RSPRY1: variants seen among roughly 807,000 people sequenced by gnomAD.
The protein encoded by RSPRY1 is ring finger and SPRY domain containing 1.
Under a neutral mutation model 73.1 loss-of-function variants are expected in RSPRY1, and 23 were observed. The observed-to-expected ratio is 0.31, with a 90% confidence interval of 0.23 to 0.45. The LOEUF is 0.45. Ranked by LOEUF, RSPRY1 falls within the 20% of genes least tolerant of loss-of-function variation. The pLI is 1.00. For missense variants in RSPRY1, 448 were observed against 698.7 expected (o/e 0.64, Z 4.05); for synonymous variants, 226 against 251.4 (o/e 0.90, Z 0.95).
rs780657607 is a variant in RSPRY1 at position 57,220,882 on chromosome 16, G to A, written c.1017+35G>A. 34 of 1,394,986 alleles carry A rather than the reference G, an allele frequency of 2.4e-5. 1 individual carries two copies. In the South Asian group the frequency reaches 3.6e-4, roughly 15 times the overall value. The allele number at this position is 1,394,986 out of a possible 1,614,324, so 86.4% of individuals were successfully genotyped here. Reference sequence around the variant, plus strand: ...GCTTCTACAGTTGGACCCTTTGGGGGATGAGAGGGTAATTATTTTAATCCT... The same window carrying A: ...GCTTCTACAGTTGGACCCTTTGGGGAATGAGAGGGTAATTATTTTAATCCT... On this transcript the variant is annotated intron_variant, in intron 9 of 14. Coordinates refer to ENST00000394420, the MANE Select transcript of RSPRY1 (RefSeq NM_133368.3).
At chr16:57,211,896 A>C (rs1473172896) in intron 4 of RSPRY1, among the ~76,000 whole-genome samples, 2 of 152,092 alleles carry the variant, frequency 1.3e-5, no homozygotes, top group African/African-American at 4.8e-5. Context: ...TGGCATTTTC[A>C]TTCATCTGTT....
intron 11 of RSPRY1, among the ~76,000 whole-genome samples, chr16:57,229,414 A>C (rs1293037628): frequency 6.6e-6 from 1 of 152,070 alleles, no homozygotes; most frequent in Non-Finnish European, 1.5e-5. Flanking sequence ...CAGGAGTTTG[A>C]GATTAGCCTG....
At chr16:57,189,520 G>A (rs367915715) in intron 1 of RSPRY1, among the ~76,000 whole-genome samples, 11 of 150,320 alleles carry the variant, frequency 7.3e-5, no homozygotes, top group East Asian at 5.8e-4. Context: ...AAAAAAAAGT[G>A]TGTTTTGTCA....
intron 4 of RSPRY1, among the ~76,000 whole-genome samples, chr16:57,210,538 A>G (rs1257861543): frequency 6.6e-6 from 1 of 151,754 alleles, no homozygotes; most frequent in African/African-American, 2.4e-5. Flanking sequence ...CCCCGTCTCT[A>G]CTAAAATACC....
intron 4 of RSPRY1, among the ~76,000 whole-genome samples, chr16:57,210,493 A>G (rs1289262868): frequency 2.0e-5 from 3 of 151,558 alleles, no homozygotes; most frequent in African/African-American, 4.9e-5. Context: ...ACCTGAGGTC[A>G]GGAGTTCGAG....
chr16:57,204,738 T>C lies in RSPRY1; in HGVS notation c.80T>C (p.Ile27Thr). The change falls in exon 2 of 15, where the codon ATA becomes ACA. Residue 27 changes from isoleucine to threonine, a missense_variant. Coordinates refer to ENST00000394420, the MANE Select transcript of RSPRY1 (RefSeq NM_133368.3). ...QGLLLTLEEH[I>T]AHFLGTGGAA... ...CTGTTGTTGACTCTCGAAGAGCACA[T>C]AGCCCACTTCCTAGGGACTGGAGGT... 2 of 1,614,160 alleles carry C rather than the reference T, an allele frequency of 1.2e-6. No individual in the cohort carries two copies. The highest frequency in any genetic ancestry group is 8.5e-7 in the Non-Finnish European group (1 of 1,180,016).
chr16:57,233,920 C>T (rs977222155), intron 13 of RSPRY1, among the ~76,000 whole-genome samples: 4 of 152,168 alleles, frequency 2.6e-5, no homozygotes, highest in Non-Finnish European at 5.9e-5. Context: ...AGATCCCCTT[C>T]AGTCTATTCA....
At chr16:57,218,504 C>T (rs866878299) in intron 8 of RSPRY1, among the ~76,000 whole-genome samples, 1 of 152,012 alleles carries the variant, frequency 6.6e-6, no homozygotes, top group Non-Finnish European at 1.5e-5. Flanking sequence ...CCCTTCCCAG[C>T]CTCTGGTAAC....
At chr16:57,238,398 T>A (rs1182066704) in intron 14 of RSPRY1, among the ~76,000 whole-genome samples, 1 of 152,192 alleles carries the variant, frequency 6.6e-6, no homozygotes, top group African/African-American at 2.4e-5. Flanking sequence ...TACATTAAAA[T>A]AAATGTTAAT....
chr16:57,230,675 A>G (rs781012445), intron 11 of RSPRY1, 36 bp from the exon 12 acceptor site: 2 of 1,181,854 alleles, frequency 1.7e-6, no homozygotes, highest in South Asian at 1.2e-5. Flanking sequence ...GGTAGTACAC[A>G]TCATTATCCT....
rs142159365 is a variant in RSPRY1, at chr16:57,203,255, C to G, written c.-155-1249C>G. Among the ~76,000 whole-genome samples, 236 of 152,178 alleles carry G rather than the reference C, an allele frequency of 1.6e-3. 2 individuals are homozygous for G. The highest frequency in any genetic ancestry group is 5.1e-3 in the African/African-American group (211 of 41,518). ...AGGTTGCAGTGAGCTAAGATCATACCACTGCACTCCAGCCTGGGTGATAGA... is the reference window on the plus strand; with the variant it reads ...AGGTTGCAGTGAGCTAAGATCATACGACTGCACTCCAGCCTGGGTGATAGA... On this transcript the variant is annotated intron_variant, in intron 1 of 14. Coordinates refer to ENST00000394420, the MANE Select transcript of RSPRY1 (RefSeq NM_133368.3).
At chr16:57,186,945 C>T (rs751455985) in intron 1 of RSPRY1, 2 of 151,870 alleles carry the variant, frequency 1.3e-5, no homozygotes, top group South Asian at 2.1e-4. Flanking sequence ...GGCATACCTC[C>T]CCGGGGAGAT....
chr16:57,222,699 G>A (rs1567509332), intron 10 of RSPRY1, among the ~76,000 whole-genome samples: 1 of 152,158 alleles, frequency 6.6e-6, no homozygotes, highest in Non-Finnish European at 1.5e-5. Flanking sequence ...TGTTTTCTTT[G>A]TATTCAAAAA....
At chr16:57,216,619 C>A in intron 7 of RSPRY1, 1 of 390,082 alleles carries the variant, frequency 2.6e-6, no homozygotes, top group South Asian at 3.0e-5. Flanking sequence ...ACTTGGGATG[C>A]TGAGGCGGGG....
intron 6 of RSPRY1, 135 bp from the exon 7 acceptor site, chr16:57,215,972 T>C (rs747176689): frequency 6.8e-5 from 44 of 651,760 alleles, no homozygotes; most frequent in Admixed American, 1.4e-4. Flanking sequence ...AATTGAGAAC[T>C]TGAATGAATG....
intron 1 of RSPRY1, among the ~76,000 whole-genome samples, chr16:57,189,982 CT>C (rs1474452610): frequency 1.3e-5 from 2 of 152,112 alleles, no homozygotes; most frequent in African/African-American, 2.4e-5. Flanking sequence ...CCCTTTGCAT[CT>C]TTTTAAATAC....
At chr16:57,201,551 G>C (rs574682321) in intron 1 of RSPRY1, among the ~76,000 whole-genome samples, 5,696 of 152,286 alleles carry the variant, frequency 0.037, 112 homozygotes, top group Middle Eastern at 0.1. Context: ...CTTCCCAGAC[G>C]GGGTGGCGGC....
At chr16:57,200,960 G>C (rs1244010897) in intron 1 of RSPRY1, among the ~76,000 whole-genome samples, 2 of 116,284 alleles carry the variant, frequency 1.7e-5, no homozygotes, top group East Asian at 3.0e-4. Context: ...GGGGGGGGGG[G>C]GCTGACCCCC....
At chr16:57,237,016 AAATT>A (rs2075309705) in intron 14 of RSPRY1, among the ~76,000 whole-genome samples, 4 of 152,024 alleles carry the variant, frequency 2.6e-5, no homozygotes, top group Non-Finnish European at 4.4e-5. Context: ...AATACAAAAA[AAATT>A]ACCCGGGCGT....
Sources: gnomAD v4.1 joint callset for allele counts (sites outside exome capture counted in the v4.1 genomes callset) on GRCh38, gnomAD v4.1.1 for gene constraint, MANE v1.5 for transcripts, NCBI Gene and HGNC (gene_info 2026-07-23, HGNC 2026-07-21) for gene names.